Variants in DNM3 observed in about 807,000 individuals in gnomAD.
DNM3 encodes dynamin-3.
A neutral mutation model predicts 101.6 loss-of-function variants in DNM3; 47 were observed. The ratio of observed to expected loss-of-function variants is 0.46; its 90% CI spans 0.37 to 0.59. DNM3 has a LOEUF of 0.59. DNM3 is among the 20% of genes least tolerant of loss of function. The pLI is 0.00. For missense variants in DNM3, 849 were observed against 1,085.7 expected, an observed-to-expected ratio of 0.78 and a Z score of 3.06; for synonymous variants, 385 against 387.9, an observed-to-expected ratio of 0.99 and a Z score of 0.09.
chr1:171,933,226 G>C (rs568590759), intron 2 of DNM3, among the ~76,000 whole-genome samples: 8 of 152,242 alleles, frequency 5.3e-5, no homozygotes, highest in African/African-American at 1.9e-4. Flanking sequence ...TCATGTGACC[G>C]TAGACTTGGG....
At chr1:171,918,942 TAA>T (rs2039936660) in intron 1 of DNM3, among the ~76,000 whole-genome samples, 1 of 152,192 alleles carries the variant, frequency 6.6e-6, no homozygotes, top group Non-Finnish European at 1.5e-5. Flanking sequence ...CATGAAGATA[TAA>T]AGTGACTAAA....
At chr1:172,059,913 T>C (rs1473255444) in intron 10 of DNM3, among the ~76,000 whole-genome samples, 1 of 123,458 alleles carries the variant, frequency 8.1e-6, no homozygotes, top group African/African-American at 3.2e-5. Flanking sequence ...ATTGTCCCTG[T>C]TTGCAGACGA....
chr1:172,149,823 CTT>C (rs930420223), intron 14 of DNM3, among the ~76,000 whole-genome samples: 1 of 148,776 alleles, frequency 6.7e-6, no homozygotes, highest in African/African-American at 2.5e-5. Context: ...ACAGAAACTA[CTT>C]TTTTTTTTGC....
chr1:172,066,666 T>G (rs928899193), intron 10 of DNM3, among the ~76,000 whole-genome samples: 2 of 152,230 alleles, frequency 1.3e-5, no homozygotes, highest in Non-Finnish European at 2.9e-5. Context: ...ACATTATGCT[T>G]GTGCATAACC....
In DNM3 at chr1:172,081,958, C is replaced by G. The variant is rs151171472; in HGVS notation, c.1493+56C>G. ...TCCTCCTGTTGATTTGTCTCAAACA[C>G]ACATTGTGAATTTTTACTACAGTTT... On this transcript the variant is annotated intron_variant, in intron 12 of 20. Transcript: ENST00000627582. The G allele has an allele frequency of 3.8e-5, 59 of 1,542,620 alleles. No homozygotes were observed. In the Middle Eastern group the frequency reaches 1.0e-3, roughly 27 times the overall value.
intron 2 of DNM3, among the ~76,000 whole-genome samples, chr1:171,950,347 G>A (rs2042439827): frequency 6.6e-6 from 1 of 152,040 alleles, no homozygotes; most frequent in Non-Finnish European, 1.5e-5. Context: ...ATCTTTTCTG[G>A]TCTAGTGATA....
intron 1 of DNM3, among the ~76,000 whole-genome samples, chr1:171,888,114 C>T (rs1051267345): frequency 1.1e-4 from 17 of 150,058 alleles, no homozygotes; most frequent in Non-Finnish European, 3.0e-5. Context: ...TAGAAATCAG[C>T]ATGTTTTGAC....
rs572768381 is a variant in DNM3 at position 172,245,415 on chromosome 1, C to T, written c.1660-8158C>T. ...AAGCACAGGGTATCCGACCAGGGTG[C>T]GAGGAACCAAGCACAAGGGATCAGA... On this transcript the variant is annotated intron_variant, in intron 14 of 20. Transcript: ENST00000627582. 1.2e-4 allele frequency among the ~76,000 whole-genome samples: 18 copies of T among 152,214 alleles called. No individual in the cohort carries two copies. In the East Asian group the frequency reaches 2.7e-3, roughly 23 times the overall value.
chr1:172,262,191 C>T (rs564688642), intron 15 of DNM3, among the ~76,000 whole-genome samples: 14 of 152,172 alleles, frequency 9.2e-5, no homozygotes, highest in South Asian at 6.2e-4. Context: ...GTCTTGGCTC[C>T]GCAGCAGCTT....
intron 1 of DNM3, among the ~76,000 whole-genome samples, chr1:171,905,839 C>T (rs1356494086): frequency 6.6e-6 from 1 of 151,012 alleles, no homozygotes; most frequent in Admixed American, 6.6e-5. Context: ...GGGTGAAAAC[C>T]ATGAGTAGGC....
intron 14 of DNM3, among the ~76,000 whole-genome samples, chr1:172,219,579 G>A (rs1355502523): frequency 6.6e-6 from 1 of 152,052 alleles, no homozygotes; most frequent in African/African-American, 2.4e-5. Flanking sequence ...CTGGTGAACT[G>A]TAGGAGAGGG....
intron 1 of DNM3, among the ~76,000 whole-genome samples, chr1:171,920,422 G>C (rs1364956136): frequency 1.3e-5 from 2 of 152,176 alleles, no homozygotes; most frequent in Non-Finnish European, 2.9e-5. Context: ...GTGAGCATCA[G>C]AAACATCTGG....
rs150776015 is a variant in DNM3, at chr1:172,411,948, T to A, written c.*4107T>A. 15 of 985,796 alleles carry A rather than the reference T, an allele frequency of 1.5e-5. No homozygotes were observed. The East Asian group carries it at 1.5e-3, about 97-fold the overall frequency. The allele number at this position is 985,796 out of a possible 1,614,324, so 61.1% of individuals were successfully genotyped here. ...TGAGTCTTCTAGATACTCTTACTCA[T>A]CCTGTCTGGTTGCTATGTTTAAAAT... On this transcript the variant is annotated 3_prime_UTR_variant, in exon 21 of 21. Transcript: ENST00000627582.
At chr1:172,139,133 T>A in intron 14 of DNM3, 1 of 311,716 alleles carries the variant, frequency 3.2e-6, no homozygotes, top group South Asian at 2.5e-5. Context: ...AACAGAAAAC[T>A]CACATTAAAA....
intron 1 of DNM3, among the ~76,000 whole-genome samples, chr1:171,884,445 C>T (rs2036587753): frequency 6.6e-6 from 1 of 152,210 alleles, no homozygotes; most frequent in South Asian, 2.1e-4. Context: ...CACTGTCTTA[C>T]AACTAATTGT....
chr1:172,348,548 C>T (rs893886354), intron 17 of DNM3, among the ~76,000 whole-genome samples: 11 of 152,238 alleles, frequency 7.2e-5, no homozygotes, highest in Admixed American at 7.2e-4. Flanking sequence ...CCTTCTAATA[C>T]TCCACCAAAA....
At chr1:172,239,084 C>A (rs1209287229) in intron 14 of DNM3, among the ~76,000 whole-genome samples, 1 of 152,184 alleles carries the variant, frequency 6.6e-6, no homozygotes, top group Non-Finnish European at 1.5e-5. Context: ...TTCCCTCTCT[C>A]TATATGGCTA....
intron 4 of DNM3, among the ~76,000 whole-genome samples, chr1:172,027,617 C>CACACACACACACACACACAG (rs34981346): frequency 2.0e-5 from 3 of 147,022 alleles, no homozygotes; most frequent in African/African-American, 7.8e-5. Context: ...CACACACACA[C>CACACACACACACACACACAG]AGAGAGAGAG....
chr1:172,176,751 G>A (rs144281559), intron 14 of DNM3, among the ~76,000 whole-genome samples: 1 of 151,996 alleles, frequency 6.6e-6, no homozygotes, highest in East Asian at 1.9e-4. Flanking sequence ...TGAAAAGGTA[G>A]GTTGAGAGGG....
Sources: gnomAD v4.1 joint callset for allele counts (sites outside exome capture counted in the v4.1 genomes callset) on GRCh38, gnomAD v4.1.1 for gene constraint, MANE v1.5 for transcripts, NCBI Gene and HGNC (gene_info 2026-07-23, HGNC 2026-07-21) for gene names.